The following POLR2F variants were observed in gnomAD, a reference collection of about 807,000 sequenced individuals.
The protein encoded by POLR2F is RNA polymerase II, I and III subunit F, also known as DNA-directed RNA polymerases I, II, and III subunit RPABC2.
Under a neutral mutation model 22.7 loss-of-function variants are expected in POLR2F, and 12 were observed. That is an observed-to-expected ratio of 0.53 (90% CI 0.34 to 0.86). The LOEUF (loss-of-function observed/expected upper bound fraction) is 0.86, where lower values mean the gene tolerates loss of function less well. Ranked by LOEUF, POLR2F falls within the 40% of genes least tolerant of loss-of-function variation. The probability of loss-of-function intolerance (pLI) is 0.02; values close to 1 mark genes in which losing one functional copy is unlikely to be tolerated. For synonymous variants in POLR2F, 57 were observed against 66.0 expected (o/e 0.86, Z 0.66); for missense variants, 126 against 171.5 (o/e 0.73, Z 1.48).
At chr22:37,970,560 T>TCA (rs1216541551), downstream of POLR2F, 2 of 135,236 alleles carry the variant, frequency 1.5e-5, no homozygotes, top group African/African-American at 5.7e-5. Flanking sequence ...GGAGCCAAGA[T>TCA]TGCAACATTG....
chr22:37,984,767 G>T (rs1282891715), upstream of POLR2F, among the ~76,000 whole-genome samples: 4 of 152,162 alleles, frequency 2.6e-5, no homozygotes, highest in African/African-American at 4.8e-5. This position sits in a 1 kb window ranked among gnomAD's most constrained non-coding sequence, Gnocchi z 4.4. Context: ...CTTAGTCTGG[G>T]AGGTGGAGGG....
Position 37,978,938 on chromosome 22 carries a change from G to A in POLR2F, c.293+11768G>A, listed in dbSNP as rs562660742. Among the ~76,000 whole-genome samples, 17 of 151,956 alleles carry A rather than the reference G, an allele frequency of 1.1e-4. No individual in the cohort carries two copies. The highest frequency in any genetic ancestry group is 6.6e-4 in the Admixed American group (10 of 15,248). On this transcript the variant is annotated intron_variant, in intron 4 of 4. Transcript: ENST00000405557. This position sits in a 1 kb window ranked among gnomAD's most constrained non-coding sequence, Gnocchi z 5.0. ...ATTACAAGCATGCGCCACCACGCCC[G>A]GTTAATTTTTGTATTTTTAGTAGAG...
intron 5 of POLR2F, chr22:38,032,664 C>T (rs931932165): frequency 1.3e-5 from 2 of 152,320 alleles, no homozygotes; most frequent in African/African-American, 4.8e-5. Context: ...TGATGCCACA[C>T]TGACACAGTG....
chr22:38,037,248 C>CTTATGTTATG (rs147610006), intron 5 of POLR2F, among the ~76,000 whole-genome samples: 9,410 of 149,456 alleles, frequency 0.063, 592 homozygotes, highest in African/African-American at 0.16. Context: ...AATGAGCAAC[C>CTTATGTTATG]TTATGTTATG....
chr22:37,961,213 C>T (rs1199546703), intron 3 of POLR2F, among the ~76,000 whole-genome samples: 2 of 152,108 alleles, frequency 1.3e-5, no homozygotes, highest in Admixed American at 1.3e-4. Context: ...AGGTATGTGC[C>T]ACTATGCCTG....
At chr22:37,976,717 C>T (rs1240408253) in intron 4 of POLR2F, among the ~76,000 whole-genome samples, 2 of 152,178 alleles carry the variant, frequency 1.3e-5, no homozygotes. Flanking sequence ...AGTTTGGGTA[C>T]CTCATCACAT....
upstream of POLR2F, chr22:37,983,948 C>T: frequency 2.3e-6 from 1 of 444,444 alleles, no homozygotes; most frequent in East Asian, 5.5e-5. The surrounding 1 kb of genome is among the most constrained non-coding windows in gnomAD (Gnocchi z 9.5). Flanking sequence ...GGCACAGCCC[C>T]GAGGTGGCGG....
intron 1 of POLR2F, among the ~76,000 whole-genome samples, chr22:38,024,582 CA>C (rs2084990167): frequency 1.3e-5 from 2 of 151,998 alleles, no homozygotes. Context: ...TGCAGGAGGG[CA>C]GGGGCAGGGA....
chr22:38,028,523 CAT>C (rs2085035631), downstream of POLR2F, among the ~76,000 whole-genome samples: 1 of 151,656 alleles, frequency 6.6e-6, no homozygotes, highest in African/African-American at 2.4e-5. Flanking sequence ...CGTGTGTGTG[CAT>C]GTGTGTGTGC....
intron 5 of POLR2F, chr22:38,034,138 C>T (rs2085092629): frequency 5.9e-6 from 1 of 169,074 alleles, no homozygotes; most frequent in South Asian, 2.1e-4. Context: ...TTCCTCTACT[C>T]CCACCGTTTC....
rs540693934 is a variant in POLR2F, at chr22:37,993,260, C to T, written c.120+6948C>T. Among the ~76,000 whole-genome samples the T allele has an allele frequency of 3.3e-5, 5 of 152,252 alleles. No individual in the cohort carries two copies. In the East Asian group the frequency reaches 7.7e-4, roughly 24 times the overall value. On this transcript the variant is annotated intron_variant, in intron 1 of 2. Coordinates refer to the POLR2F transcript ENST00000333418. ...TAGGGGAAGGGGCTTGTCAAGGTTG[C>T]CCAGCTTAGGAACTGACAACGACAA...
At chr22:38,010,642 A>T (rs1381758864) in intron 1 of POLR2F, among the ~76,000 whole-genome samples, 2 of 79,382 alleles carry the variant, frequency 2.5e-5, no homozygotes, top group South Asian at 4.8e-4. Context: ...TTTGAGAGGG[A>T]GTCTTGCTGT....
At position 37,967,739 on chromosome 22, in the gene POLR2F, G is replaced by T; in HGVS notation, c.*24G>T. The T allele has an allele frequency of 1.9e-6, 3 of 1,596,294 alleles. No individual in the cohort carries two copies. Among genetic ancestry groups the T allele is most frequent in the Non-Finnish European group, 2.6e-6 (3 of 1,173,598 alleles). On this transcript the variant is annotated 3_prime_UTR_variant, in exon 5 of 5. Transcript: ENST00000442738. Reference sequence around the variant, plus strand: ...GAGCTGGAGTCATCTTCCTGCCCTTGCCCCATGCCCAATTTTCATTCTCAC... The same window carrying T: ...GAGCTGGAGTCATCTTCCTGCCCTTTCCCCATGCCCAATTTTCATTCTCAC...
chr22:37,998,884 C>A (rs951487026), intron 1 of POLR2F, among the ~76,000 whole-genome samples: 2 of 151,892 alleles, frequency 1.3e-5, no homozygotes, highest in Non-Finnish European at 2.9e-5. Context: ...GGGGCTGAGA[C>A]GGAGATGTCA....
At chr22:38,011,462 CT>C (rs76830973) in intron 1 of POLR2F, among the ~76,000 whole-genome samples, 1,054 of 136,996 alleles carry the variant, frequency 7.7e-3, no homozygotes, top group Middle Eastern at 0.011. Flanking sequence ...GGTTATGGTT[CT>C]TTTTTTTTTT....
downstream of POLR2F, chr22:37,974,300 C>G: frequency 1.1e-6 from 1 of 873,114 alleles, no homozygotes; most frequent in Non-Finnish European, 1.8e-6. The surrounding 1 kb of genome is among the most constrained non-coding windows in gnomAD (Gnocchi z 5.4). Flanking sequence ...GCAGCGGGTG[C>G]CTCTGGGAAA....
chr22:38,027,086 T>C (rs1375453329), downstream of POLR2F, among the ~76,000 whole-genome samples: 1 of 152,202 alleles, frequency 6.6e-6, no homozygotes, highest in Non-Finnish European at 1.5e-5. Context: ...CCCTGGGGAC[T>C]GTGCAGTGTG....
chr22:37,963,723 AG>A (rs1231821328), intron 3 of POLR2F, among the ~76,000 whole-genome samples: 4 of 152,262 alleles, frequency 2.6e-5, no homozygotes, highest in African/African-American at 9.6e-5. Flanking sequence ...TAAAACAAAT[AG>A]ACTGCTTATT....
chr22:38,039,519 C>T (rs2085151260), intron 5 of POLR2F, among the ~76,000 whole-genome samples: 2 of 152,306 alleles, frequency 1.3e-5, no homozygotes, highest in South Asian at 2.1e-4. Flanking sequence ...CAGCCACCCC[C>T]GCCTTGTGAG....
Sources: allele counts gnomAD v4.1 joint callset (sites outside exome capture counted in the v4.1 genomes callset), GRCh38; gene constraint gnomAD v4.1.1; non-coding constraint Gnocchi (gnomAD v3.1); transcripts MANE v1.5; gene names NCBI Gene and HGNC (gene_info 2026-07-23, HGNC 2026-07-21).